Variants in HMGCLL1 observed in about 807,000 individuals in gnomAD.
The protein encoded by HMGCLL1 is 3-hydroxy-3-methylglutaryl-CoA lyase like 1.
A neutral mutation model predicts 39.1 loss-of-function variants in HMGCLL1; 36 were observed. The observed-to-expected ratio is 0.92, with a 90% CI of 0.71 to 1.22. HMGCLL1 has a LOEUF of 1.22. Among genes scored for constraint, HMGCLL1 ranks in the 50% most tolerant of loss-of-function variants. The pLI is 0.00. For missense variants in HMGCLL1, 451 were observed against 416.5 expected (o/e 1.08, Z -0.72); for synonymous variants, 149 against 144.0 (o/e 1.03, Z -0.25).
chr6:55,476,610 T>C (rs949078101), intron 7 of HMGCLL1, among the ~76,000 whole-genome samples: 1 of 151,686 alleles, frequency 6.6e-6, no homozygotes, highest in Non-Finnish European at 1.5e-5. Flanking sequence ...TGTCAAATAA[T>C]TTTCTACATC....
the HMGCLL1 span, among the ~76,000 whole-genome samples, chr6:55,663,482 A>G: frequency 2.0e-5 from 3 of 151,964 alleles, no homozygotes; most frequent in African/African-American, 7.2e-5. Context: ...ATTTCCATGT[A>G]ATTGCATGGT....
chr6:55,467,097 CT>C, intron 7 of HMGCLL1, among the ~76,000 whole-genome samples: 1 of 152,118 alleles, frequency 6.6e-6, no homozygotes, highest in African/African-American at 2.4e-5. Context: ...ACCATAATGT[CT>C]TTTTGCCTGG....
the HMGCLL1 span, among the ~76,000 whole-genome samples, chr6:55,629,103 CAGA>C: frequency 3.9e-5 from 6 of 152,054 alleles, no homozygotes; most frequent in African/African-American, 1.2e-4. Flanking sequence ...TTGGAGGGCT[CAGA>C]AGAAGATAGG....
At chr6:55,470,025 A>C (rs1182069396) in intron 7 of HMGCLL1, among the ~76,000 whole-genome samples, 1 of 151,782 alleles carries the variant, frequency 6.6e-6, no homozygotes, top group Non-Finnish European at 1.5e-5. Flanking sequence ...AGTGAAATGA[A>C]ATTGGCAGAG....
intron 1 of HMGCLL1, among the ~76,000 whole-genome samples, 174 bp from the exon 2 acceptor site, chr6:55,542,314 A>G (rs775295023): frequency 3.9e-4 from 59 of 152,178 alleles, no homozygotes; most frequent in Non-Finnish European, 6.9e-4. Flanking sequence ...TGCAACATGA[A>G]GTATTTTTTC....
rs150231917 is a variant in HMGCLL1, at chr6:55,575,794, G to A, written c.108+3154C>T. ...GAGAAAAACAGTAATAATATTCATC[G>A]ATTGGTGCTAAGATCAAACTCTATA... On this transcript the variant is annotated intron_variant, in intron 1 of 8. Coordinates refer to ENST00000274901, the MANE Select transcript of HMGCLL1 (RefSeq NM_001042406.2). Among the ~76,000 whole-genome samples, 500 of 152,180 alleles carry A rather than the reference G, an allele frequency of 3.3e-3. 3 individuals are homozygous for A. Among genetic ancestry groups the A allele is most frequent in the African/African-American group, 0.011 (437 of 41,558 alleles).
chr6:55,563,895 A>G, intron 1 of HMGCLL1: 1 of 1,288,090 alleles, frequency 7.8e-7, no homozygotes, highest in South Asian at 1.2e-5. Context: ...GTGCAGCATC[A>G]GCATCACAGA....
At chr6:55,647,745 C>CTTTTTTTTTTTTTTTTTTTTTTTTTTTTT in the HMGCLL1 span, among the ~76,000 whole-genome samples, 8 of 115,858 alleles carry the variant, frequency 6.9e-5, no homozygotes, top group East Asian at 2.4e-4. Context: ...TTTTTTTTTC[C>CTTTTTTTTTTTTTTTTTTTTTTTTTTTTT]TTTTTTTTTT....
the HMGCLL1 span, among the ~76,000 whole-genome samples, chr6:55,610,553 G>A: frequency 6.6e-6 from 1 of 152,058 alleles, no homozygotes; most frequent in African/African-American, 2.4e-5. Context: ...CTGAACCTAT[G>A]ACTGAATGGA....
the HMGCLL1 span, among the ~76,000 whole-genome samples, chr6:55,668,670 A>G: frequency 6.6e-6 from 1 of 151,902 alleles, no homozygotes; most frequent in African/African-American, 2.4e-5. Context: ...CAAGGCAGCC[A>G]AAAACCCGGA....
the HMGCLL1 span, among the ~76,000 whole-genome samples, chr6:55,674,221 C>T: frequency 6.6e-6 from 1 of 151,700 alleles, no homozygotes; most frequent in East Asian, 1.9e-4. Context: ...AATATGGTGT[C>T]AAGTTATATA....
At chr6:55,640,285 G>A in the HMGCLL1 span, among the ~76,000 whole-genome samples, 1 of 152,026 alleles carries the variant, frequency 6.6e-6, no homozygotes, top group South Asian at 2.1e-4. Flanking sequence ...AACTAAATGT[G>A]CATTAACAGG....
intron 7 of HMGCLL1, among the ~76,000 whole-genome samples, chr6:55,489,961 A>G (rs1766227502): frequency 6.6e-6 from 1 of 152,140 alleles, no homozygotes; most frequent in South Asian, 2.1e-4. Flanking sequence ...GTCAGTGAAA[A>G]AATTGAAGTA....
At chr6:55,450,851 G>A (rs894664948) in intron 7 of HMGCLL1, among the ~76,000 whole-genome samples, 1 of 152,164 alleles carries the variant, frequency 6.6e-6, no homozygotes, top group Non-Finnish European at 1.5e-5. Context: ...TGTCCTTTGA[G>A]TTAGGGTGTA....
At chr6:55,614,197 G>T in the HMGCLL1 span, among the ~76,000 whole-genome samples, 1 of 152,156 alleles carries the variant, frequency 6.6e-6, no homozygotes, top group Middle Eastern at 3.4e-3. Context: ...TCTCTCCAAG[G>T]ATTCATATGT....
At chr6:55,677,113 C>T in the HMGCLL1 span, among the ~76,000 whole-genome samples, 6 of 152,160 alleles carry the variant, frequency 3.9e-5, no homozygotes, top group Non-Finnish European at 7.3e-5. Flanking sequence ...CAAAATACTT[C>T]CGGCTGGGCA....
chr6:55,616,801 A>G, the HMGCLL1 span, among the ~76,000 whole-genome samples: 5 of 152,110 alleles, frequency 3.3e-5, no homozygotes, highest in African/African-American at 1.2e-4. Flanking sequence ...AGAAAGAAGA[A>G]TAAAACATTA....
intron 1 of HMGCLL1, among the ~76,000 whole-genome samples, chr6:55,552,675 T>G (rs1770406262): frequency 6.6e-6 from 1 of 151,938 alleles, no homozygotes; most frequent in Non-Finnish European, 1.5e-5. Flanking sequence ...GAGTGGACAT[T>G]TAATGTGTGT....
At chr6:55,612,158 G>C in the HMGCLL1 span, among the ~76,000 whole-genome samples, 1 of 151,986 alleles carries the variant, frequency 6.6e-6, no homozygotes, top group African/African-American at 2.4e-5. Flanking sequence ...ACCAACAACA[G>C]GCAGGCACAG....
Sources: allele counts gnomAD v4.1 joint callset (sites outside exome capture counted in the v4.1 genomes callset), GRCh38; gene constraint gnomAD v4.1.1; transcripts MANE v1.5; gene names NCBI Gene and HGNC (gene_info 2026-07-23, HGNC 2026-07-21).